The following PTK2 variants were observed in gnomAD, a reference collection of about 807,000 sequenced individuals.
The protein encoded by PTK2 is protein tyrosine kinase 2.
Under a neutral mutation model 150.1 loss-of-function variants are expected in PTK2, and 45 were observed. The ratio of observed to expected loss-of-function variants is 0.30; its 90% CI spans 0.24 to 0.38. The LOEUF (loss-of-function observed/expected upper bound fraction) is 0.38, where lower values mean the gene tolerates loss of function less well. Ranked by LOEUF, PTK2 falls within the 10% of genes least tolerant of loss-of-function variation. The pLI is 1.00. For synonymous variants in PTK2, 432 were observed against 449.2 expected, an observed-to-expected ratio of 0.96 and a Z score of 0.48; for missense variants, 919 against 1,307.3, an observed-to-expected ratio of 0.70 and a Z score of 4.58.
At chr8:140,992,691 T>G (rs1272357314) in intron 1 of PTK2, among the ~76,000 whole-genome samples, 1 of 152,188 alleles carries the variant, frequency 6.6e-6, no homozygotes, top group African/African-American at 2.4e-5. Flanking sequence ...ATAGCAAGAC[T>G]ATGGTGGAAT....
chr8:140,744,066 C>T (rs559690624), intron 19 of PTK2, among the ~76,000 whole-genome samples: 99 of 37,718 alleles, frequency 2.6e-3, no homozygotes, highest in African/African-American at 3.6e-3. Flanking sequence ...TATGAGCCAC[C>T]GCGCCCGGCC....
At chr8:140,788,662 C>T (rs897990993) in intron 14 of PTK2, among the ~76,000 whole-genome samples, 48 of 151,886 alleles carry the variant, frequency 3.2e-4, no homozygotes, top group Admixed American at 6.6e-5. Flanking sequence ...CCAGCCTGGG[C>T]GACAGAGTGA....
chr8:140,746,182 A>G (rs2100058619), intron 18 of PTK2, among the ~76,000 whole-genome samples: 1 of 152,120 alleles, frequency 6.6e-6, no homozygotes, highest in Non-Finnish European at 1.5e-5. Flanking sequence ...GAATTAAAAA[A>G]TTAGTCAGGC....
chr8:140,706,985 A>G (rs1006107575), intron 23 of PTK2, among the ~76,000 whole-genome samples: 1 of 152,250 alleles, frequency 6.6e-6, no homozygotes, highest in African/African-American at 2.4e-5. Flanking sequence ...GATAAACAAA[A>G]TGCTGTATAC....
chr8:140,713,266 C>T (rs2100037782), intron 23 of PTK2, among the ~76,000 whole-genome samples: 1 of 152,038 alleles, frequency 6.6e-6, no homozygotes, highest in Admixed American at 6.6e-5. Flanking sequence ...CAAATAACAT[C>T]CTTTTGTTTT....
chr8:140,897,705 C>G (rs1038663804), intron 2 of PTK2, among the ~76,000 whole-genome samples: 1 of 152,288 alleles, frequency 6.6e-6, no homozygotes, highest in Non-Finnish European at 1.5e-5. Context: ...AATGACTATT[C>G]TGTTTCTACC....
intron 1 of PTK2, among the ~76,000 whole-genome samples, chr8:140,998,793 TG>T (rs1312594899): frequency 2.1e-5 from 3 of 139,950 alleles, no homozygotes; most frequent in Non-Finnish European, 4.5e-5. Context: ...CACTCCAGCC[TG>T]GGCCACAGGG....
In PTK2 at chr8:140,782,776, A is replaced by G. The variant is rs113490074; in HGVS notation, c.1177+6698T>C. On this transcript the variant is annotated intron_variant, in intron 14 of 31. Transcript: ENST00000522684. The stretch of plus-strand genomic sequence containing the variant: ...TTGAAACTAGAGTGTAAAACTAGAC[A>G]GAAGAACCTTTTTCAAACTTGAATA... Among the ~76,000 whole-genome samples the G allele has an allele frequency of 4.7e-3, 712 of 152,294 alleles. 9 individuals are homozygous for G. Among genetic ancestry groups the G allele is most frequent in the African/African-American group, 0.015 (644 of 41,558 alleles).
intron 23 of PTK2, among the ~76,000 whole-genome samples, chr8:140,713,032 G>C (rs991955313): frequency 2.6e-5 from 4 of 152,190 alleles, no homozygotes; most frequent in Admixed American, 1.3e-4. Flanking sequence ...CTTTCCTCAA[G>C]ATAAGACATC....
rs143083550 is a variant in PTK2 at position 140,790,714 on chromosome 8, T to C, written c.1125-1188A>G. Among the ~76,000 whole-genome samples, 856 of 152,344 alleles carry C rather than the reference T, an allele frequency of 5.6e-3. 8 individuals are homozygous for C. Among genetic ancestry groups the C allele is most frequent in the African/African-American group, 0.02 (818 of 41,588 alleles). The stretch of plus-strand genomic sequence containing the variant: ...CAAACAGCCATAGACTTGTGTTCCT[T>C]TTACAGAATTCTCCAAATATTTGAA... On this transcript the variant is annotated intron_variant, in intron 13 of 31. Coordinates refer to ENST00000522684, the Ensembl canonical transcript of PTK2.
chr8:140,682,688 A>G (rs1589889410), intron 27 of PTK2, among the ~76,000 whole-genome samples: 1 of 152,196 alleles, frequency 6.6e-6, no homozygotes, highest in Admixed American at 6.5e-5. Flanking sequence ...CCACAGCACA[A>G]TAAAAACAGA....
At chr8:140,951,757 G>A (rs2100179619) in intron 1 of PTK2, among the ~76,000 whole-genome samples, 1 of 152,046 alleles carries the variant, frequency 6.6e-6, no homozygotes, top group Non-Finnish European at 1.5e-5. Context: ...GGTAGCATGT[G>A]CCTATAGTTC....
At chr8:140,884,408 A>G (rs1311400054) in intron 3 of PTK2, among the ~76,000 whole-genome samples, 2 of 152,170 alleles carry the variant, frequency 1.3e-5, no homozygotes, top group African/African-American at 4.8e-5. Context: ...TAAGACCTCC[A>G]TAGTCCTTTC....
chr8:140,664,850 G>C (rs1404339298), intron 31 of PTK2, 67 bp downstream of exon 35: 1 of 1,494,440 alleles, frequency 6.7e-7, no homozygotes, highest in East Asian at 2.3e-5. Flanking sequence ...CAGCACCACA[G>C]GCATCCCTGA....
chr8:140,686,572 C>G, intron 27 of PTK2, 60 bp downstream of exon 30: 2 of 1,309,320 alleles, frequency 1.5e-6, no homozygotes, highest in Non-Finnish European at 2.2e-6. Flanking sequence ...GTGACATAAA[C>G]ACTGATGGTC....
chr8:140,702,646 T>C lies in PTK2; in HGVS notation c.2291A>G (p.Gln764Arg), dbSNP rs748698963. Residue 764 changes from glutamine to arginine, a missense_variant, in exon 25 of 32, where the codon CAG becomes CGG. Physicochemically the swap from Gln to Arg is conservative, Grantham distance 43 (BLOSUM62 1). Transcript: ENST00000522684. ...ATCTGTTTGGTCCAAAAGAGATGCC[T>C]GACCTGGATAGATGCTGCCAGCCAT... 3.1e-6 allele frequency: 5 copies of C among 1,614,056 alleles called. No homozygotes were observed. The highest frequency in any genetic ancestry group is 2.2e-5 in the South Asian group (2 of 91,070).
chr8:140,693,605 A>G (rs2100024553), intron 26 of PTK2, among the ~76,000 whole-genome samples: 2 of 135,352 alleles, frequency 1.5e-5, no homozygotes, highest in African/African-American at 2.8e-5. Flanking sequence ...AAAAAAAAGG[A>G]GCACTAGGTA....
chr8:140,955,774 C>T (rs2100180998), intron 1 of PTK2, among the ~76,000 whole-genome samples: 1 of 152,146 alleles, frequency 6.6e-6, no homozygotes, highest in South Asian at 2.1e-4. Flanking sequence ...AATTCCATTT[C>T]CACAGCCATG....
chr8:140,681,858 C>T (rs2100017166), intron 27 of PTK2, among the ~76,000 whole-genome samples: 1 of 152,126 alleles, frequency 6.6e-6, no homozygotes, highest in Non-Finnish European at 1.5e-5. Flanking sequence ...CAGGCTTTAA[C>T]CTATTTATGC....
Sources: allele counts gnomAD v4.1 joint callset (sites outside exome capture counted in the v4.1 genomes callset), GRCh38; gene constraint gnomAD v4.1.1; transcripts MANE v1.5; gene names NCBI Gene and HGNC (gene_info 2026-07-23, HGNC 2026-07-21).